The following TTC3 variants were observed in gnomAD, a reference collection of about 807,000 sequenced individuals.
The protein encoded by TTC3 is E3 ubiquitin-protein ligase TTC3.
Under a neutral mutation model 249.6 loss-of-function variants are expected in TTC3, and 180 were observed. The observed-to-expected ratio is 0.72, with a 90% CI of 0.64 to 0.82. TTC3 has a LOEUF of 0.82. TTC3 is among the 40% of genes least tolerant of loss of function. The pLI is 0.00. For missense variants in TTC3, 2,061 were observed against 2,398.4 expected (o/e 0.86, Z 2.94); for synonymous variants, 717 against 805.0 (o/e 0.89, Z 1.85).
intron 25 of TTC3, 78 bp downstream of exon 25, chr21:37,150,962 T>C: frequency 9.0e-7 from 1 of 1,114,462 alleles, no homozygotes. Flanking sequence ...ATTTCTAAAT[T>C]ATGCCTTTTT....
chr21:37,107,308 G>A (rs544765248), intron 10 of TTC3, among the ~76,000 whole-genome samples: 1 of 152,270 alleles, frequency 6.6e-6, no homozygotes, highest in South Asian at 2.1e-4. Flanking sequence ...AATGGGATAA[G>A]CAAGGTTATA....
chr21:37,187,248 C>T, intron 38 of TTC3, 103 bp downstream of exon 38: 2 of 819,814 alleles, frequency 2.4e-6, no homozygotes, highest in Non-Finnish European at 3.8e-6. Context: ...AAGTGTGGTG[C>T]ATAAAGGATA....
At chr21:37,114,084 C>T (rs1386109736) in intron 11 of TTC3, among the ~76,000 whole-genome samples, 1 of 152,072 alleles carries the variant, frequency 6.6e-6, no homozygotes, top group Admixed American at 6.6e-5. Context: ...CCATAAAAAC[C>T]CTAGAAGAAA....
intron 11 of TTC3, among the ~76,000 whole-genome samples, chr21:37,116,465 T>C (rs1482843814): frequency 6.6e-6 from 1 of 152,166 alleles, no homozygotes; most frequent in Non-Finnish European, 1.5e-5. Context: ...TGGGTATCTG[T>C]GTATTAGTCT....
At chr21:37,195,971 G>C (rs1267249532) in exon 42 of TTC3, 1 of 1,614,204 alleles carries the variant, frequency 6.2e-7, no homozygotes, top group Non-Finnish European at 8.5e-7. Flanking sequence ...GTTCAAGCCA[G>C]TCTCCAAAAA....
At chr21:37,083,495 A>G (rs955758863) in intron 1 of TTC3, 3 of 704,216 alleles carry the variant, frequency 4.3e-6, no homozygotes, top group African/African-American at 1.9e-5. Context: ...GGCACTGGGC[A>G]TGAAGAAGTA....
intron 28 of TTC3, among the ~76,000 whole-genome samples, chr21:37,157,437 C>CA (rs1396692616): frequency 2.0e-5 from 3 of 152,188 alleles, no homozygotes; most frequent in South Asian, 4.1e-4. Context: ...GAAATGCTTA[C>CA]ACTTGTCTCT....
At chr21:37,189,612 ATCTCGGC>A (rs1300400701) in intron 39 of TTC3, among the ~76,000 whole-genome samples, 2 of 151,662 alleles carry the variant, frequency 1.3e-5, no homozygotes, top group African/African-American at 4.9e-5. Flanking sequence ...TAGTGGCGTG[ATCTCGGC>A]TCACTGCAAG....
rs199995911 is a variant in TTC3 at position 37,198,035 on chromosome 21, A to T, written c.5850+10A>T. 423 of 1,578,120 alleles carry T rather than the reference A, an allele frequency of 2.7e-4. No individual in the cohort carries two copies. Among genetic ancestry groups the T allele is most frequent in the Admixed American group, 5.2e-4 (26 of 50,478 alleles). ...TGTCCCTGTGAGGATTGTATGTATA[A>T]CTGTATAGTTTTGTTTTTTAATGAA... On this transcript the variant is annotated intron_variant, in intron 44 of 45. Coordinates refer to ENST00000355666, the Ensembl canonical transcript of TTC3.
At position 37,198,296 on chromosome 21, in the gene TTC3, TTC is replaced by T. The variant is rs2085135391; in HGVS notation, c.5850+279_5850+280del. On this transcript the variant is annotated intron_variant, in intron 44 of 45. Transcript: ENST00000355666. ...CTGACCATCGTGGGGGATCTGAGCC[TTC>T]TCTCTCTTGCCCTTGTTTTGCTGCA... Among the ~76,000 whole-genome samples the T allele has an allele frequency of 2.0e-5, 3 of 152,238 alleles. No homozygotes were observed. In the South Asian group the frequency reaches 6.2e-4, roughly 31 times the overall value.
At chr21:37,182,563 G>A (rs988357747) in intron 35 of TTC3, among the ~76,000 whole-genome samples, 1 of 152,168 alleles carries the variant, frequency 6.6e-6, no homozygotes, top group African/African-American at 2.4e-5. Context: ...TCAGGTACAC[G>A]TAGCGGGTAG....
exon 46 of TTC3, chr21:37,202,214 TTAAG>T (rs1460329686): frequency 1.3e-5 from 2 of 152,266 alleles, no homozygotes. Context: ...TTAGATTGTT[TTAAG>T]TGTTTGCTTT....
chr21:37,093,557 T>C (rs1189571297), intron 7 of TTC3, among the ~76,000 whole-genome samples: 1 of 152,116 alleles, frequency 6.6e-6, no homozygotes, highest in Non-Finnish European at 1.5e-5. Flanking sequence ...TTAAATAGAT[T>C]GTAGAAAGTA....
chr21:37,087,710 G>T, intron 2 of TTC3, 123 bp from the exon 3 acceptor site: 1 of 813,936 alleles, frequency 1.2e-6, no homozygotes, highest in Admixed American at 2.9e-5. Flanking sequence ...TTTGGCTGAA[G>T]ATGTGTTTGA....
chr21:37,074,633 T>C (rs974878587), intron 1 of TTC3, among the ~76,000 whole-genome samples: 5 of 150,454 alleles, frequency 3.3e-5, no homozygotes, highest in African/African-American at 7.3e-5. Context: ...CTTTTCCTTA[T>C]AACTACGACT....
intron 1 of TTC3, chr21:37,083,284 A>G: frequency 1.0e-6 from 1 of 985,462 alleles, no homozygotes; most frequent in Non-Finnish European, 1.2e-6. Context: ...GGATAAAAGC[A>G]GGAGCAAGAT....
intron 11 of TTC3, among the ~76,000 whole-genome samples, chr21:37,110,842 C>T (rs572409227): frequency 6.6e-6 from 1 of 152,228 alleles, no homozygotes; most frequent in Non-Finnish European, 1.5e-5. Context: ...GCCCATCAGA[C>T]TAACTGCTGA....
intron 11 of TTC3, among the ~76,000 whole-genome samples, chr21:37,115,284 A>G (rs1388169566): frequency 6.6e-6 from 1 of 152,124 alleles, no homozygotes; most frequent in Admixed American, 6.5e-5. Flanking sequence ...AGTGCAGAAT[A>G]GAGGGCCTCC....
chr21:37,165,263 T>C (rs886796647), intron 32 of TTC3, among the ~76,000 whole-genome samples: 1 of 152,212 alleles, frequency 6.6e-6, no homozygotes, highest in Non-Finnish European at 1.5e-5. Context: ...GAATAAATTA[T>C]GTAATTACAT....
Sources: allele counts gnomAD v4.1 joint callset (sites outside exome capture counted in the v4.1 genomes callset), GRCh38; gene constraint gnomAD v4.1.1; transcripts MANE v1.5; gene names NCBI Gene and HGNC (gene_info 2026-07-23, HGNC 2026-07-21).